The following KRTAP10-5 variants were observed in gnomAD, a reference collection of about 807,000 sequenced individuals.
KRTAP10-5 encodes the protein keratin associated protein 10-5, also known as keratin-associated protein 10-5.
For missense variants in KRTAP10-5, 370 were observed against 351.2 expected (o/e 1.05, Z -0.43); for synonymous variants, 157 against 151.9 (o/e 1.03, Z -0.25).
In KRTAP10-5 at chr21:44,579,736, A is replaced by G. The variant is rs782233229; in HGVS notation, c.*27T>C. The G allele has an allele frequency of 6.0e-5, 95 of 1,595,014 alleles. No individual in the cohort carries two copies. Among genetic ancestry groups the G allele is most frequent in the East Asian group, 1.8e-4 (8 of 44,724 alleles). On this transcript the variant is annotated 3_prime_UTR_variant, in exon 1 of 1. Coordinates refer to ENST00000400372, the MANE Select transcript of KRTAP10-5 (RefSeq NM_198694.3). ...GCCCTGGGGGATGTGCACATCAGCA[A>G]CTGGACTCCTGGCCTGAGCAGAGGC...
At position 44,579,772 on chromosome 21, in the gene KRTAP10-5, CAG is replaced by C; in HGVS notation, c.805_806del (p.Leu269GlyfsTer25). ...SLLCRPACSPLAC is the reference protein window; with the variant it reads ...SLLCRPACSPXAC ...GGCCTGAGCAGAGGCCTCAGCAGGCCAGGGGGGAGCACGCGGGGCGGCAGAGG... is the reference window on the plus strand; with the variant it reads ...GGCCTGAGCAGAGGCCTCAGCAGGCCGGGGGAGCACGCGGGGCGGCAGAGG... On this transcript the variant is annotated frameshift_variant, in exon 1 of 1. Coordinates refer to ENST00000400372, the MANE Select transcript of KRTAP10-5 (RefSeq NM_198694.3). LOFTEE classifies it high-confidence loss of function. 1 of 1,611,290 alleles carries C rather than the reference CAG, an allele frequency of 6.2e-7. No individual in the cohort carries two copies. Among genetic ancestry groups the C allele is most frequent in the South Asian group, 1.1e-5 (1 of 90,812 alleles).
chr21:44,580,340 G>A lies in KRTAP10-5; in HGVS notation c.239C>T (p.Ala80Val). The part of the protein sequence containing the change: ...TPSCCQPACC[A>V]SSPCQQACCV... ...GCAGGCCTGCTGGCAGGGGGAGGAG[G>A]CGCAGCAAGCCGGCTGGCAGCACGA... The change falls in exon 1 of 1, where the codon GCC (alanine) becomes GTC (valine). Residue 80 changes from alanine to valine, a missense_variant. Ala to Val is a moderately conservative substitution (Grantham distance 64). Coordinates refer to ENST00000400372, the MANE Select transcript of KRTAP10-5 (RefSeq NM_198694.3). 1 of 1,613,990 alleles carries A rather than the reference G, an allele frequency of 6.2e-7. No homozygotes were observed. Among genetic ancestry groups the A allele is most frequent in the Non-Finnish European group, 8.5e-7 (1 of 1,180,018 alleles).
Position 44,580,580 on chromosome 21 carries a change from C to T in KRTAP10-5, c.-2G>A. ...GACGGACATGGTGCACGCGGCCATGCTGGGGTGGGGAAGACGTGAGCTGGG... is the reference window on the plus strand; with the variant it reads ...GACGGACATGGTGCACGCGGCCATGTTGGGGTGGGGAAGACGTGAGCTGGG... On this transcript the variant is annotated 5_prime_UTR_variant, in exon 1 of 1. Transcript: ENST00000400372. The T allele has an allele frequency of 1.2e-6, 2 of 1,606,162 alleles. No homozygotes were observed. Among genetic ancestry groups the T allele is most frequent in the Non-Finnish European group, 1.7e-6 (2 of 1,176,136 alleles).
In KRTAP10-5 at chr21:44,580,546, G is replaced by A. The variant is rs139901000; in HGVS notation, c.33C>T (p.Ser11=). ...CCACTCGCCAGGAGTCAGAGCAAGCGCTGGAGCAGACGGACATGGTGCACG... is the reference window on the plus strand; with the variant it reads ...CCACTCGCCAGGAGTCAGAGCAAGCACTGGAGCAGACGGACATGGTGCACG... The part of the protein sequence containing the change: MAACTMSVCS[S]ACSDSWRVDD... The change falls in exon 1 of 1, where the codon AGC becomes AGT. Residue 11 remains serine (S), a synonymous_variant. Coordinates refer to ENST00000400372, the MANE Select transcript of KRTAP10-5 (RefSeq NM_198694.3). 9.9e-6 allele frequency: 16 copies of A among 1,613,472 alleles called. No individual in the cohort carries two copies. Among genetic ancestry groups the A allele is most frequent in the African/African-American group, 5.3e-5 (4 of 75,038 alleles).
chr21:44,580,494 G>C lies in KRTAP10-5; in HGVS notation c.85C>G (p.Pro29Ala), dbSNP rs782699067. The C allele has an allele frequency of 3.7e-6, 6 of 1,613,338 alleles. No homozygotes were observed. In the Admixed American group the frequency reaches 1.0e-4, roughly 27 times the overall value. The stretch of plus-strand genomic sequence containing the variant: ...AGGCAGGGGGCGGTGCCGCAGGGGG[G>C]CTCACAGCAGCTCTCTGGGCAGTCG... ...VDDCPESCCEPPCGTAPCLTL... is the reference protein window; with the variant it reads ...VDDCPESCCEAPCGTAPCLTL... Residue 29 changes from proline (P) to alanine (A), a missense_variant, in exon 1 of 1, where the codon CCC (proline) becomes GCC (alanine). By Grantham distance (27) the Pro-to-Ala change is conservative. Transcript: ENST00000400372.
Position 44,579,693 on chromosome 21 carries a change from C to G in KRTAP10-5, c.*70G>C. ...TCCCAAGCGGGGGCAACCTCCTAACCCGAGTCAGGACCAGTTGGCCCTGGG... is the reference window on the plus strand; with the variant it reads ...TCCCAAGCGGGGGCAACCTCCTAACGCGAGTCAGGACCAGTTGGCCCTGGG... On this transcript the variant is annotated 3_prime_UTR_variant, in exon 1 of 1. Coordinates refer to ENST00000400372, the MANE Select transcript of KRTAP10-5 (RefSeq NM_198694.3). The G allele has an allele frequency of 1.3e-6, 2 of 1,554,188 alleles. No homozygotes were observed. The highest frequency in any genetic ancestry group is 2.4e-5 in the South Asian group (2 of 81,998).
chr21:44,579,973 C>T lies in KRTAP10-5; in HGVS notation c.606G>A (p.Gln202=), dbSNP rs782117562. 196 of 1,613,720 alleles carry T rather than the reference C, an allele frequency of 1.2e-4. 1 individual carries two copies. The highest frequency in any genetic ancestry group is 2.5e-5 in the Non-Finnish European group (30 of 1,179,966). ...CSGASTSCCQ[Q]SSCQPACCTT... ...TGCAGCAAGCCGGCTGACAGCTAGA[C>T]TGCTGGCAGCATGAAGTGGAAGCCC... Residue 202 remains glutamine (Q), a synonymous_variant, in exon 1 of 1, where the codon CAG becomes CAA. Transcript: ENST00000400372.
Position 44,580,550 on chromosome 21 carries a change from GA to G in KRTAP10-5, c.28del (p.Ser10ProfsTer28). ...TCGCCAGGAGTCAGAGCAAGCGCTG[GA>G]GCAGACGGACATGGTGCACGCGGCC... MAACTMSVCSSACSDSWRVD... is the reference protein window; with the variant it reads MAACTMSVCXSACSDSWRVD... On this transcript the variant is annotated frameshift_variant, in exon 1 of 1. Transcript: ENST00000400372. LOFTEE classifies it low-confidence loss of function (END_TRUNC). 1 of 1,613,398 alleles carries G rather than the reference GA, an allele frequency of 6.2e-7. No homozygotes were observed. Among genetic ancestry groups the G allele is most frequent in the Non-Finnish European group, 8.5e-7 (1 of 1,179,726 alleles).
Position 44,579,473 on chromosome 21 carries a change from T to TTTA in KRTAP10-5, c.*287_*289dup. 1 of 509,602 alleles carries TTTA rather than the reference T, an allele frequency of 2.0e-6. No homozygotes were observed. Among genetic ancestry groups the TTTA allele is most frequent in the Admixed American group, 3.3e-5 (1 of 30,334 alleles). 31.6% of individuals were successfully genotyped at this position (509,602 alleles called of 1,614,324 possible). A position where few individuals can be genotyped will look rare whatever the true frequency, so the allele number is the denominator to read the frequency against. ...AAGAGAATCAGGCGACCAAGGGGAGTTTATTGGGGAGCAGGAGGAGGTGCT... is the reference window on the plus strand; with the variant it reads ...AAGAGAATCAGGCGACCAAGGGGAGTTTATTATTGGGGAGCAGGAGGAGGTGCT... On this transcript the variant is annotated 3_prime_UTR_variant, in exon 1 of 1. Coordinates refer to ENST00000400372, the MANE Select transcript of KRTAP10-5 (RefSeq NM_198694.3).
At position 44,579,746 on chromosome 21, in the gene KRTAP10-5, T is replaced by C. The variant is rs371319478; in HGVS notation, c.*17A>G. ...ATGTGCACATCAGCAACTGGACTCC[T>C]GGCCTGAGCAGAGGCCTCAGCAGGC... On this transcript the variant is annotated 3_prime_UTR_variant, in exon 1 of 1. Transcript: ENST00000400372. The C allele has an allele frequency of 1.0e-4, 162 of 1,603,926 alleles. No homozygotes were observed. Among genetic ancestry groups the C allele is most frequent in the Non-Finnish European group, 1.3e-4 (148 of 1,175,066 alleles).
chr21:44,579,616 G>A lies in KRTAP10-5; in HGVS notation c.*147C>T. 1 of 1,037,532 alleles carries A rather than the reference G, an allele frequency of 9.6e-7. No individual in the cohort carries two copies. Among genetic ancestry groups the A allele is most frequent in the Non-Finnish European group, 1.4e-6 (1 of 728,338 alleles). 64.3% of individuals were successfully genotyped at this position (1,037,532 alleles called of 1,614,324 possible). On this transcript the variant is annotated 3_prime_UTR_variant, in exon 1 of 1. Coordinates refer to ENST00000400372, the MANE Select transcript of KRTAP10-5 (RefSeq NM_198694.3). ...CAGGAGCTGGGGAGCTTCGAGGATG[G>A]AGATTCCTGGGAGTATGGAGGGGGG...
rs747934442 is a variant in KRTAP10-5, at chr21:44,579,822, G to T, written c.757C>A (p.Arg253Ser). Residue 253 changes from arginine to serine, a missense_variant, in exon 1 of 1, where the codon CGC becomes AGC. Physicochemically the swap from Arg to Ser is moderately radical, Grantham distance 110 (BLOSUM62 -1). Coordinates refer to ENST00000400372, the MANE Select transcript of KRTAP10-5 (RefSeq NM_198694.3). ...AGGAGGGACACGCAGGAGGCCGGGC[G>T]GCAGCAGCTGGCCTGGTAGGAGGAG... is the stretch of plus-strand genomic sequence containing the variant. The part of the protein sequence containing the change: ...PASSYQASCC[R>S]PASCVSLLCR... The T allele has an allele frequency of 6.2e-7, 1 of 1,609,902 alleles. No homozygotes were observed.
chr21:44,580,226 G>T lies in KRTAP10-5; in HGVS notation c.353C>A (p.Pro118Gln). ...GCAGGAGGAAGAGGCACAGCAAGTT[G>T]GCTGGCAGCTAGACTGCTGGCAGCA... ...SSCCQQSSCQ[P>Q]TCCASSSCQQ... The change falls in exon 1 of 1, where the codon CCA (proline) becomes CAA (glutamine). Residue 118 changes from proline to glutamine, a missense_variant. Physicochemically the swap from Pro to Gln is moderately conservative, Grantham distance 76 (BLOSUM62 -1). Coordinates refer to ENST00000400372, the MANE Select transcript of KRTAP10-5 (RefSeq NM_198694.3). 2 of 1,614,062 alleles carry T rather than the reference G, an allele frequency of 1.2e-6. No homozygotes were observed.
Position 44,580,552 on chromosome 21 carries a change from G to A in KRTAP10-5, c.27C>T (p.Cys9=). MAACTMSV[C]SSACSDSWRV... ...GCCAGGAGTCAGAGCAAGCGCTGGAGCAGACGGACATGGTGCACGCGGCCA... is the reference window on the plus strand; with the variant it reads ...GCCAGGAGTCAGAGCAAGCGCTGGAACAGACGGACATGGTGCACGCGGCCA... Residue 9 remains cysteine (C), a synonymous_variant, in exon 1 of 1, where the codon TGC becomes TGT. Transcript: ENST00000400372. 1 of 1,613,334 alleles carries A rather than the reference G, an allele frequency of 6.2e-7. No homozygotes were observed. The highest frequency in any genetic ancestry group is 8.5e-7 in the Non-Finnish European group (1 of 1,179,670).
chr21:44,579,898 G>C lies in KRTAP10-5; in HGVS notation c.681C>G (p.Pro227=), dbSNP rs781907835. Residue 227 remains proline (P), a synonymous_variant, in exon 1 of 1, where the codon CCC becomes CCG. Transcript: ENST00000400372. ...GCAGGCAGCAGGCGGGCCTGCATAT[G>C]GGGCGGCAGAGGAGGGACACGGAGG... The part of the protein sequence containing the change: ...PSSSVSLLCR[P]ICRPACCLPI... 2.5e-6 allele frequency: 4 copies of C among 1,612,876 alleles called. No individual in the cohort carries two copies. The highest frequency in any genetic ancestry group is 3.4e-6 in the Non-Finnish European group (4 of 1,179,048).
In KRTAP10-5 at chr21:44,580,170, T is replaced by C. The variant is rs1555924798; in HGVS notation, c.409A>G (p.Lys137Glu). Residue 137 changes from lysine (K) to glutamate (E), a missense_variant, in exon 1 of 1, where the codon AAG (lysine) becomes GAG (glutamate). Physicochemically the swap from Lys to Glu is moderately conservative, Grantham distance 56. Coordinates refer to ENST00000400372, the MANE Select transcript of KRTAP10-5 (RefSeq NM_198694.3). ...CAGGTGGGCACACAGCACACGGGCT[T>C]GCAGCAGACAGGCACACAGCAGGAC... ...QQSCCVPVCC[K>E]PVCCVPTCSE... 2 of 1,611,990 alleles carry C rather than the reference T, an allele frequency of 1.2e-6. No homozygotes were observed. Among genetic ancestry groups the C allele is most frequent in the African/African-American group, 2.7e-5 (2 of 73,926 alleles).
rs782199623 is a variant in KRTAP10-5 at position 44,580,466 on chromosome 21, G to T, written c.113C>A (p.Thr38Asn). 1 of 1,613,054 alleles carries T rather than the reference G, an allele frequency of 6.2e-7. No homozygotes were observed. The highest frequency in any genetic ancestry group is 2.2e-5 in the East Asian group (1 of 44,886). Residue 38 changes from threonine to asparagine, a missense_variant, in exon 1 of 1, where the codon ACC becomes AAC. By Grantham distance (65) the Thr-to-Asn change is moderately conservative. Coordinates refer to ENST00000400372, the MANE Select transcript of KRTAP10-5 (RefSeq NM_198694.3). Reference protein sequence around the residue: ...EPPCGTAPCLTLVCTPVSCVS... With the variant: ...EPPCGTAPCLNLVCTPVSCVS... ...ACAGCTCACTGGGGTGCAGACCAGG[G>T]TCAGGCAGGGGGCGGTGCCGCAGGG...
In KRTAP10-5 at chr21:44,580,084, G is replaced by A. The variant is rs782450939; in HGVS notation, c.495C>T (p.Ser165=). The A allele has an allele frequency of 2.9e-5, 47 of 1,613,526 alleles. No individual in the cohort carries two copies. The East Asian group carries it at 1.0e-3, about 34-fold the overall frequency. The part of the protein sequence containing the change: ...HSSCQPTCCT[S]SPCQQSCYVP... ...CGTAGCAGGACTGCTGGCAGGGGGA[G>A]GAGGTGCAGCAAGTCGGCTGGCAGC... Residue 165 remains serine (S), a synonymous_variant, in exon 1 of 1, where the codon TCC becomes TCT. Transcript: ENST00000400372.
At position 44,580,326 on chromosome 21, in the gene KRTAP10-5, G is replaced by A. The variant is rs782427557; in HGVS notation, c.253C>T (p.Gln85Ter). 6 of 1,613,916 alleles carry A rather than the reference G, an allele frequency of 3.7e-6. No homozygotes were observed. The African/African-American group carries it at 8.0e-5, about 22-fold the overall frequency. The change falls in exon 1 of 1, where the codon CAG (glutamine) becomes TAG (stop). Residue 85 changes from glutamine to a stop codon, truncating the protein, a stop_gained. Transcript: ENST00000400372. LOFTEE classifies it low-confidence loss of function (END_TRUNC). Reference sequence around the variant, plus strand: ...CAGACGGGCACGCAGCAGGCCTGCTGGCAGGGGGAGGAGGCGCAGCAAGCC... The same window carrying A: ...CAGACGGGCACGCAGCAGGCCTGCTAGCAGGGGGAGGAGGCGCAGCAAGCC... ...QPACCASSPC[Q>*]QACCVPVCCK...
Sources: allele counts gnomAD v4.1 joint callset, GRCh38; gene constraint gnomAD v4.1.1; transcripts MANE v1.5; gene names NCBI Gene and HGNC (gene_info 2026-07-23, HGNC 2026-07-21).